ATRN: variants seen among roughly 807,000 people sequenced by gnomAD.
ATRN encodes the protein attractin-2.
In ATRN, 54 loss-of-function variants were observed where a neutral mutation model predicts 178.7. The observed-to-expected ratio is 0.30, with a 90% confidence interval of 0.24 to 0.38. The LOEUF is 0.38. Ranked by LOEUF, ATRN falls within the 10% of genes least tolerant of loss-of-function variation. The pLI is 1.00. For missense variants in ATRN, 1,443 were observed against 1,815.1 expected (o/e 0.79, Z 3.73); for synonymous variants, 636 against 663.0 (o/e 0.96, Z 0.63).
At chr20:3,581,142 C>T (rs2086277799) in intron 15 of ATRN, among the ~76,000 whole-genome samples, 1 of 152,046 alleles carries the variant, frequency 6.6e-6, no homozygotes, top group Admixed American at 6.6e-5. Context: ...GTTCCGGCTA[C>T]TTGGGAGGCT....
chr20:3,517,220 A>G (rs1375392202), intron 1 of ATRN, among the ~76,000 whole-genome samples: 1 of 152,238 alleles, frequency 6.6e-6, no homozygotes, highest in Non-Finnish European at 1.5e-5. Flanking sequence ...TATGCCATAG[A>G]AAAAGATTAA....
At chr20:3,582,476 C>A in intron 16 of ATRN, 122 bp downstream of exon 16, 5 of 904,520 alleles carry the variant, frequency 5.5e-6, no homozygotes, top group South Asian at 3.2e-5. Flanking sequence ...TGATTTCAAG[C>A]ATGCAAAGAA....
chr20:3,532,520 A>C (rs2085468270), intron 1 of ATRN, among the ~76,000 whole-genome samples: 1 of 152,238 alleles, frequency 6.6e-6, no homozygotes, highest in Admixed American at 6.5e-5. Flanking sequence ...AGCAAAGTCC[A>C]GATAGAGAAG....
At position 3,650,811 on chromosome 20, in the gene ATRN, G is replaced by A. The variant is rs570434604; in HGVS notation, c.*3964G>A. 7 of 152,600 alleles carry A rather than the reference G, an allele frequency of 4.6e-5. No individual in the cohort carries two copies. Among genetic ancestry groups the A allele is most frequent in the African/African-American group, 1.4e-4 (6 of 41,432 alleles). The allele number at this position is 152,600 out of a possible 1,614,324, so 9.5% of individuals were successfully genotyped here. On this transcript the variant is annotated 3_prime_UTR_variant, in exon 29 of 29. Coordinates refer to ENST00000262919, the MANE Select transcript of ATRN (RefSeq NM_139321.3). ...ATGTTTTTGTTTTATAGTTATTTACGATTTCGTTTGTTTGGATTCAAGCTT... is the reference window on the plus strand; with the variant it reads ...ATGTTTTTGTTTTATAGTTATTTACAATTTCGTTTGTTTGGATTCAAGCTT...
intron 14 of ATRN, among the ~76,000 whole-genome samples, chr20:3,577,285 C>T (rs372444821): frequency 1.3e-5 from 2 of 152,300 alleles, no homozygotes; most frequent in Admixed American, 1.3e-4. Context: ...TTCCCATCCA[C>T]CTTTGATAAC....
At chr20:3,533,513 C>A (rs1265466336) in intron 1 of ATRN, among the ~76,000 whole-genome samples, 4 of 151,938 alleles carry the variant, frequency 2.6e-5, no homozygotes. Flanking sequence ...AGAGGGTGTA[C>A]CCCCCCGTTT....
chr20:3,547,247 C>T (rs772692421), intron 4 of ATRN, 37 bp from the exon 5 acceptor site: 12 of 1,483,596 alleles, frequency 8.1e-6, no homozygotes, highest in Middle Eastern at 1.8e-4. Flanking sequence ...GGAAGCGTTG[C>T]GTTGTGTTAA....
At chr20:3,485,067 G>A (rs1203548517) in intron 1 of ATRN, among the ~76,000 whole-genome samples, 3 of 151,982 alleles carry the variant, frequency 2.0e-5, no homozygotes, top group Non-Finnish European at 4.4e-5. Context: ...CAGCTGGTGG[G>A]GATGGGGGTG....
intron 25 of ATRN, chr20:3,629,066 C>T: frequency 3.0e-6 from 3 of 985,328 alleles, no homozygotes; most frequent in Non-Finnish European, 3.6e-6. Flanking sequence ...ACTTCTCTTG[C>T]TTTCACTCAG....
rs1268564381 is a variant in ATRN at position 3,578,510 on chromosome 20, T to G, written c.2354-72T>G. Reference sequence around the variant, plus strand: ...GAAAGGCCATTTCGGTATTCAGTAATTTGAACTCATAATACAGTAGTTTTG... The same window carrying G: ...GAAAGGCCATTTCGGTATTCAGTAAGTTGAACTCATAATACAGTAGTTTTG... On this transcript the variant is annotated intron_variant, in intron 14 of 28. Transcript: ENST00000262919. 1.6e-5 allele frequency: 22 copies of G among 1,358,632 alleles called. 1 individual carries two copies. Among genetic ancestry groups the G allele is most frequent in the Non-Finnish European group, 2.2e-5 (22 of 1,001,186 alleles). 84.2% of individuals were successfully genotyped at this position (1,358,632 alleles called of 1,614,324 possible).
At chr20:3,542,069 C>T (rs1485199254) in intron 3 of ATRN, among the ~76,000 whole-genome samples, 1 of 152,174 alleles carries the variant, frequency 6.6e-6, no homozygotes, top group Non-Finnish European at 1.5e-5. Flanking sequence ...TTTAGAGGTT[C>T]ACTTACAAGG....
At chr20:3,597,071 T>TATATATATATATAA (rs11087589) in intron 21 of ATRN, among the ~76,000 whole-genome samples, 36 of 134,030 alleles carry the variant, frequency 2.7e-4, no homozygotes, top group Non-Finnish European at 1.2e-4. Flanking sequence ...TATATATATA[T>TATATATATATATAA]ATAAAACTTC....
Position 3,559,388 on chromosome 20 carries a change from T to C in ATRN, c.1113-5T>C. ...GGGTGAAAATATGATCTGTTTGTTT[T>C]GTAGGTATGACCTTGCTTCTAGGGA... is the stretch of plus-strand genomic sequence containing the variant. On this transcript the variant is annotated splice_polypyrimidine_tract_variant and splice_region_variant and intron_variant, in intron 6 of 28. Transcript: ENST00000262919. 1 of 1,604,018 alleles carries C rather than the reference T, an allele frequency of 6.2e-7. No homozygotes were observed. The highest frequency in any genetic ancestry group is 1.1e-5 in the South Asian group (1 of 90,868).
chr20:3,520,839 AAG>A (rs2085284815), intron 1 of ATRN, among the ~76,000 whole-genome samples: 1 of 148,594 alleles, frequency 6.7e-6, no homozygotes, highest in Non-Finnish European at 1.5e-5. Context: ...GGAAAAAGAA[AAG>A]AGAGCAATGT....
rs118056047 is a variant in ATRN, at chr20:3,492,879, A to G, written c.410+21362A>G. 8.4e-3 allele frequency among the ~76,000 whole-genome samples: 1,153 copies of G among 136,980 alleles called. 26 individuals carry two copies. The East Asian group carries it at 0.09, about 11-fold the overall frequency. 89.9% of individuals were successfully genotyped at this position (136,980 alleles called of 152,430 possible). On this transcript the variant is annotated intron_variant, in intron 1 of 28. Coordinates refer to ENST00000262919, the MANE Select transcript of ATRN (RefSeq NM_139321.3). Reference sequence around the variant, plus strand: ...GGCGCGCGCGCGCGTGCGCACGCACACACACACACACACACACATAACTAA... The same window carrying G: ...GGCGCGCGCGCGCGTGCGCACGCACGCACACACACACACACACATAACTAA...
At chr20:3,610,730 G>T (rs974716939) in intron 24 of ATRN, among the ~76,000 whole-genome samples, 5 of 145,916 alleles carry the variant, frequency 3.4e-5, no homozygotes, top group Non-Finnish European at 7.5e-5. Context: ...ATACCACCAT[G>T]CCTGGCTAAT....
chr20:3,603,728 T>A (rs2086642999), intron 23 of ATRN, among the ~76,000 whole-genome samples: 1 of 152,072 alleles, frequency 6.6e-6, no homozygotes, highest in Non-Finnish European at 1.5e-5. Context: ...CCTCAGGTGA[T>A]CCACCCGCCT....
At chr20:3,548,465 G>A (rs2085739711) in intron 5 of ATRN, among the ~76,000 whole-genome samples, 1 of 151,996 alleles carries the variant, frequency 6.6e-6, no homozygotes, top group Admixed American at 6.6e-5. Flanking sequence ...GGTGGGCATG[G>A]TGGCAGGCAC....
intron 1 of ATRN, among the ~76,000 whole-genome samples, chr20:3,480,682 G>A (rs377619975): frequency 6.6e-6 from 1 of 152,092 alleles, no homozygotes; most frequent in Non-Finnish European, 1.5e-5. Context: ...ACTTTACCTC[G>A]ATGAAAGGTT....
Sources: allele counts gnomAD v4.1 joint callset (sites outside exome capture counted in the v4.1 genomes callset), GRCh38; gene constraint gnomAD v4.1.1; transcripts MANE v1.5; gene names NCBI Gene and HGNC (gene_info 2026-07-23, HGNC 2026-07-21).